CTXND2: variants seen among roughly 807,000 people sequenced by gnomAD.
The protein encoded by CTXND2 is cortexin domain containing 2.
At chr1:150,911,862 AGTTAT>A (rs1388063709) in intron 1 of CTXND2, among the ~76,000 whole-genome samples, 1 of 152,210 alleles carries the variant, frequency 6.6e-6, no homozygotes, top group Non-Finnish European at 1.5e-5. Flanking sequence ...ATAGCCAGTG[AGTTAT>A]ACAACAACTA....
At chr1:150,900,054 G>A (rs1347123905) in intron 1 of CTXND2, among the ~76,000 whole-genome samples, 1 of 152,150 alleles carries the variant, frequency 6.6e-6, no homozygotes, top group Non-Finnish European at 1.5e-5. Flanking sequence ...GCCAAATAAG[G>A]GAATAAAAGC....
intron 1 of CTXND2, among the ~76,000 whole-genome samples, chr1:150,909,532 G>A (rs1669212364): frequency 6.6e-6 from 1 of 152,154 alleles, no homozygotes; most frequent in African/African-American, 2.4e-5. Context: ...ACTCCAGCCT[G>A]GGTGACAAAG....
intron 1 of CTXND2, among the ~76,000 whole-genome samples, chr1:150,905,468 C>T (rs1416537438): frequency 6.6e-6 from 1 of 152,050 alleles, no homozygotes; most frequent in African/African-American, 2.4e-5. Context: ...TCCATCTGCA[C>T]ATCTGGGAGG....
chr1:150,895,540 C>T (rs144470495), intron 1 of CTXND2, among the ~76,000 whole-genome samples: 1 of 152,174 alleles, frequency 6.6e-6, no homozygotes, highest in African/African-American at 2.4e-5. Context: ...GATGGGCTTT[C>T]ACTATGTTGA....
chr1:150,894,555 C>T (rs1352348449), intron 1 of CTXND2, among the ~76,000 whole-genome samples: 2 of 152,104 alleles, frequency 1.3e-5, no homozygotes, highest in Non-Finnish European at 2.9e-5. Flanking sequence ...TTATTAGATG[C>T]ATATAATGTA....
At chr1:150,909,735 C>T (rs1023837525) in intron 1 of CTXND2, among the ~76,000 whole-genome samples, 2 of 152,122 alleles carry the variant, frequency 1.3e-5, no homozygotes, top group Admixed American at 6.5e-5. Context: ...TCCTGCTGCT[C>T]ACCACACAGA....
At chr1:150,898,675 G>A (rs1353654246) in intron 1 of CTXND2, among the ~76,000 whole-genome samples, 4 of 150,038 alleles carry the variant, frequency 2.7e-5, no homozygotes, top group Non-Finnish European at 5.9e-5. Context: ...AGAATTGCTC[G>A]AACCCAGGAG....
intron 1 of CTXND2, among the ~76,000 whole-genome samples, chr1:150,902,822 A>T (rs910506772): frequency 6.6e-6 from 1 of 152,122 alleles, no homozygotes. Context: ...GGGAACATAT[A>T]TCAAGCTTGA....
At chr1:150,905,692 G>GTA (rs916908279) in intron 1 of CTXND2, among the ~76,000 whole-genome samples, 2 of 151,848 alleles carry the variant, frequency 1.3e-5, no homozygotes, top group African/African-American at 4.8e-5. Context: ...TCCCACCACA[G>GTA]TATATATAAA....
chr1:150,891,387 A>C (rs1482863482), intron 1 of CTXND2, among the ~76,000 whole-genome samples: 1 of 151,566 alleles, frequency 6.6e-6, no homozygotes, highest in Non-Finnish European at 1.5e-5. Context: ...CTAATTTTTC[A>C]TATTTTTAGT....
rs868532537 is a variant in CTXND2, at chr1:150,900,912, C to G, written c.-73-11330C>G. Among the ~76,000 whole-genome samples, 13 of 152,144 alleles carry G rather than the reference C, an allele frequency of 8.5e-5. No homozygotes were observed. In the East Asian group the frequency reaches 2.1e-3, roughly 25 times the overall value. On this transcript the variant is annotated intron_variant, in intron 1 of 1. Transcript: ENST00000636087. ...GGAGGATCACTTAAGTCCAGGAGTTCGAGACCAGCTTGGGCAAAATGGTGA... is the reference window on the plus strand; with the variant it reads ...GGAGGATCACTTAAGTCCAGGAGTTGGAGACCAGCTTGGGCAAAATGGTGA...
chr1:150,891,509 G>A (rs1382230748), intron 1 of CTXND2, among the ~76,000 whole-genome samples: 5 of 152,052 alleles, frequency 3.3e-5, no homozygotes, highest in Admixed American at 2.0e-4. Flanking sequence ...CACTGCACCC[G>A]GCCTTATCTG....
intron 1 of CTXND2, among the ~76,000 whole-genome samples, chr1:150,895,400 GA>G (rs1668903155): frequency 6.6e-6 from 1 of 151,694 alleles, no homozygotes; most frequent in African/African-American, 2.4e-5. Context: ...CTGCAGTGCA[GA>G]GACGCGATCT....
chr1:150,899,870 G>C (rs1668969796), intron 1 of CTXND2, among the ~76,000 whole-genome samples: 1 of 152,172 alleles, frequency 6.6e-6, no homozygotes, highest in Admixed American at 6.5e-5. Context: ...TGGGGACTTG[G>C]AGAACTTTTC....
exon 2 of CTXND2, chr1:150,912,554 C>T (rs1669274071): frequency 2.5e-6 from 1 of 397,992 alleles, no homozygotes; most frequent in Non-Finnish European, 4.4e-6. Flanking sequence ...TATATTATTT[C>T]ACCTCCCTGT....
At chr1:150,912,256 T>C (rs1263129755) in exon 2 of CTXND2, 3 of 398,278 alleles carry the variant, frequency 7.5e-6, no homozygotes, top group African/African-American at 2.1e-5. Context: ...ATGACAAATC[T>C]GAAGCTATAC....
At chr1:150,907,337 C>G (rs1315113768) in intron 1 of CTXND2, among the ~76,000 whole-genome samples, 2 of 152,152 alleles carry the variant, frequency 1.3e-5, no homozygotes, top group African/African-American at 4.8e-5. Context: ...CCCCCTCATC[C>G]CCCACCTCCA....
At position 150,892,534 on chromosome 1, in the gene CTXND2, T is replaced by C. The variant is rs1165789940; in HGVS notation, c.-74+5221T>C. ...ATGTCTTATTCTTCTTCTTCTTTTTTTTTTTTTTTTTTTTATTGAGACAGG... is the reference window on the plus strand; with the variant it reads ...ATGTCTTATTCTTCTTCTTCTTTTTCTTTTTTTTTTTTTTATTGAGACAGG... On this transcript the variant is annotated intron_variant, in intron 1 of 1. Coordinates refer to ENST00000636087, the Ensembl canonical transcript of CTXND2. Among the ~76,000 whole-genome samples, 74 of 149,148 alleles carry C rather than the reference T, an allele frequency of 5.0e-4. 1 individual carries two copies. The highest frequency in any genetic ancestry group is 1.2e-3 in the African/African-American group (47 of 40,434).
intron 1 of CTXND2, among the ~76,000 whole-genome samples, chr1:150,911,622 G>A (rs901129460): frequency 6.6e-6 from 1 of 151,226 alleles, no homozygotes; most frequent in South Asian, 2.1e-4. Context: ...TAGTAGAGAC[G>A]GGGTTTCACC....
Sources: gnomAD v4.1 joint callset for allele counts (sites outside exome capture counted in the v4.1 genomes callset) on GRCh38, gnomAD v4.1.1 for gene constraint, MANE v1.5 for transcripts, NCBI Gene and HGNC (gene_info 2026-07-23, HGNC 2026-07-21) for gene names.